The following AGAP1 variants were observed in gnomAD, a reference collection of about 807,000 sequenced individuals.
The protein encoded by AGAP1 is ArfGAP with GTPase domain, ankyrin repeat and PH domain 1.
A neutral mutation model predicts 105.3 loss-of-function variants in AGAP1; 29 were observed. That is an observed-to-expected ratio of 0.28 (90% CI 0.21 to 0.38). The LOEUF (loss-of-function observed/expected upper bound fraction) is 0.38, where lower values mean the gene tolerates loss of function less well. Among genes scored for constraint, AGAP1 ranks in the 10% least tolerant of loss-of-function variants. The pLI is 1.00. For missense variants in AGAP1, 998 were observed against 1,165.1 expected (o/e 0.86, Z 2.09); for synonymous variants, 509 against 485.9 (o/e 1.05, Z -0.63).
intron 1 of AGAP1, among the ~76,000 whole-genome samples, chr2:235,509,469 G>T (rs1286030700): frequency 6.6e-6 from 1 of 152,104 alleles, no homozygotes; most frequent in Non-Finnish European, 1.5e-5. Flanking sequence ...CTGACCTCAA[G>T]TGATCCACCC....
At position 235,960,115 on chromosome 2, in the gene AGAP1, G is replaced by A. The variant is rs1363037723; in HGVS notation, c.1484-8347G>A. 3.9e-5 allele frequency among the ~76,000 whole-genome samples: 6 copies of A among 152,166 alleles called. No individual in the cohort carries two copies. Among genetic ancestry groups the A allele is most frequent in the East Asian group, 1.9e-4 (1 of 5,184 alleles). ...CAACTCCATGCCTCCAAATGGGGGC[G>A]GGGAGGGTGCTTGCGGACCCACCCT... On this transcript the variant is annotated intron_variant, in intron 12 of 17. Transcript: ENST00000304032. The surrounding 1 kb of genome is among the most constrained non-coding windows in gnomAD (Gnocchi z 4.9).
chr2:235,693,632 G>A (rs1016801825), intron 1 of AGAP1, among the ~76,000 whole-genome samples: 1 of 152,162 alleles, frequency 6.6e-6, no homozygotes, highest in East Asian at 1.9e-4. Flanking sequence ...GCGGCGGGAG[G>A]ATCACGAGCT....
chr2:235,852,401 G>A (rs1306991251), intron 9 of AGAP1, among the ~76,000 whole-genome samples: 2 of 151,660 alleles, frequency 1.3e-5, no homozygotes, highest in African/African-American at 2.4e-5. Context: ...GGGGTGGAAA[G>A]GGGGGGGAAC....
Position 235,882,967 on chromosome 2 carries a change from C to T in AGAP1, c.1051-378C>T, listed in dbSNP as rs181375975. The stretch of plus-strand genomic sequence containing the variant: ...AACTGGGATTACAGAAGCACACCAC[C>T]GTGCCCAGCTAATTTTATTTATTTA... On this transcript the variant is annotated intron_variant, in intron 9 of 17. Transcript: ENST00000304032. This position sits in a 1 kb window ranked among gnomAD's most constrained non-coding sequence, Gnocchi z 4.6. Among the ~76,000 whole-genome samples, 256 of 152,200 alleles carry T rather than the reference C, an allele frequency of 1.7e-3. No individual in the cohort carries two copies. Among genetic ancestry groups the T allele is most frequent in the Non-Finnish European group, 2.8e-3 (190 of 68,018 alleles).
intron 3 of AGAP1, among the ~76,000 whole-genome samples, chr2:235,730,047 C>T (rs532651351): frequency 5.3e-5 from 8 of 152,188 alleles, no homozygotes; most frequent in African/African-American, 1.9e-4. Context: ...TAGCAACCAT[C>T]CTTTCTTAGT....
At chr2:235,685,423 TG>T (rs1949326656) in intron 1 of AGAP1, among the ~76,000 whole-genome samples, 1 of 151,594 alleles carries the variant, frequency 6.6e-6, no homozygotes. Flanking sequence ...CACCTTCAGC[TG>T]TTAGTCCCAC....
chr2:235,790,353 C>T (rs987550683), intron 6 of AGAP1, among the ~76,000 whole-genome samples: 1 of 152,084 alleles, frequency 6.6e-6, no homozygotes, highest in Non-Finnish European at 1.5e-5. Context: ...GGTAGAGGGA[C>T]AGTTTTAGAT....
chr2:235,859,509 G>A (rs2048835900), intron 9 of AGAP1, among the ~76,000 whole-genome samples: 1 of 146,564 alleles, frequency 6.8e-6, no homozygotes, highest in Admixed American at 7.1e-5. Flanking sequence ...TAATTGGTAT[G>A]AGGCCTTCTA....
intron 13 of AGAP1, among the ~76,000 whole-genome samples, chr2:236,019,911 C>A (rs143879721): frequency 1.3e-5 from 2 of 152,238 alleles, no homozygotes; most frequent in Non-Finnish European, 1.5e-5. Context: ...GTGTGGGTCC[C>A]CACTGTGAGA....
At chr2:235,636,750 T>G (rs2149298055) in intron 1 of AGAP1, among the ~76,000 whole-genome samples, 1 of 152,208 alleles carries the variant, frequency 6.6e-6, no homozygotes, top group Admixed American at 6.5e-5. Context: ...TGATCGTCTC[T>G]CAGAATGGAA....
At chr2:235,686,657 ATATATATATTTTT>A (rs1949453273) in intron 1 of AGAP1, among the ~76,000 whole-genome samples, 2 of 54,244 alleles carry the variant, frequency 3.7e-5, no homozygotes, top group African/African-American at 2.7e-4. Flanking sequence ...ATATATATAT[ATATATATATTTTT>A]TTTTTTTTTT....
At chr2:235,539,861 C>T (rs533990797) in intron 1 of AGAP1, among the ~76,000 whole-genome samples, 1 of 152,292 alleles carries the variant, frequency 6.6e-6, no homozygotes, top group South Asian at 2.1e-4. Flanking sequence ...GTGAAGATTT[C>T]TCTTGCACTT....
intron 11 of AGAP1, among the ~76,000 whole-genome samples, chr2:235,915,057 C>T (rs950331646): frequency 6.6e-6 from 1 of 152,148 alleles, no homozygotes. Flanking sequence ...CCGGCCAGCT[C>T]ACAGCCCCCC....
At chr2:235,955,070 G>A (rs2053889833) in intron 12 of AGAP1, among the ~76,000 whole-genome samples, 1 of 152,272 alleles carries the variant, frequency 6.6e-6, no homozygotes. Context: ...GGCCGGTTGA[G>A]GGTAGAGGTT....
chr2:236,005,383 C>T lies in AGAP1; in HGVS notation c.1646-31178C>T, dbSNP rs1341503503. Among the ~76,000 whole-genome samples, 3 of 152,120 alleles carry T rather than the reference C, an allele frequency of 2.0e-5. No individual in the cohort carries two copies. The highest frequency in any genetic ancestry group is 7.2e-5 in the African/African-American group (3 of 41,422). On this transcript the variant is annotated intron_variant, in intron 13 of 17. Transcript: ENST00000304032. This position sits in a 1 kb window ranked among gnomAD's most constrained non-coding sequence, Gnocchi z 4.1. Reference sequence around the variant, plus strand: ...CTCAAACTCCTGACCTCAAATGATCCACCCACCTCAGCCTCCCAAAGTGCT... The same window carrying T: ...CTCAAACTCCTGACCTCAAATGATCTACCCACCTCAGCCTCCCAAAGTGCT...
Position 235,882,536 on chromosome 2 carries a change from C to G in AGAP1, c.1051-809C>G. On this transcript the variant is annotated intron_variant, in intron 9 of 17. Transcript: ENST00000304032. This position sits in a 1 kb window ranked among gnomAD's most constrained non-coding sequence, Gnocchi z 4.6. ...TACCATCCGTGGCGGGCTCTTAGCT[C>G]ACTGCAACACTCTGCCTCCTGGGTT... 1 of 1,030,680 alleles carries G rather than the reference C, an allele frequency of 9.7e-7. No homozygotes were observed. The highest frequency in any genetic ancestry group is 1.4e-6 in the Non-Finnish European group (1 of 690,556). 63.8% of individuals were successfully genotyped at this position (1,030,680 alleles called of 1,614,324 possible).
At chr2:235,941,875 A>T (rs1025317946) in intron 12 of AGAP1, among the ~76,000 whole-genome samples, 2 of 152,038 alleles carry the variant, frequency 1.3e-5, no homozygotes, top group Non-Finnish European at 2.9e-5. Context: ...GCGGACACTG[A>T]AGGCGAAGCA....
At position 236,113,645 on chromosome 2, in the gene AGAP1, G is replaced by T. The variant is rs1393076062; in HGVS notation, c.2115-6547G>T. On this transcript the variant is annotated intron_variant, in intron 16 of 17. Coordinates refer to ENST00000304032, the MANE Select transcript of AGAP1 (RefSeq NM_001037131.3). This position sits in a 1 kb window ranked among gnomAD's most constrained non-coding sequence, Gnocchi z 4.3. Reference sequence around the variant, plus strand: ...GGAGTGTCCAAGAGAATTGTCTTTGGGATGGACACAGGGAAGCCACCTTGG... The same window carrying T: ...GGAGTGTCCAAGAGAATTGTCTTTGTGATGGACACAGGGAAGCCACCTTGG... Among the ~76,000 whole-genome samples the T allele has an allele frequency of 6.6e-6, 1 of 152,122 alleles. No homozygotes were observed. The highest frequency in any genetic ancestry group is 1.5e-5 in the Non-Finnish European group (1 of 68,026).
In AGAP1 at chr2:236,073,848, G is replaced by GC. The variant is rs1334210652; in HGVS notation, c.2114+24573dup. On this transcript the variant is annotated intron_variant, in intron 16 of 17. Coordinates refer to ENST00000304032, the MANE Select transcript of AGAP1 (RefSeq NM_001037131.3). The surrounding 1 kb of genome is among the most constrained non-coding windows in gnomAD (Gnocchi z 5.4). ...CTTTAGAATCTGCAGGAGACCTGCAGCCCCCCACCAGACCCCCAGAATCAC... is the reference window on the plus strand; with the variant it reads ...CTTTAGAATCTGCAGGAGACCTGCAGCCCCCCCACCAGACCCCCAGAATCAC... Among the ~76,000 whole-genome samples, 2 of 152,062 alleles carry GC rather than the reference G, an allele frequency of 1.3e-5. No individual in the cohort carries two copies. Among genetic ancestry groups the GC allele is most frequent in the Admixed American group, 6.6e-5 (1 of 15,260 alleles).
Sources: gnomAD v4.1 joint callset for allele counts (sites outside exome capture counted in the v4.1 genomes callset) on GRCh38, gnomAD v4.1.1 for gene constraint, Gnocchi (gnomAD v3.1) non-coding constraint, MANE v1.5 for transcripts, NCBI Gene and HGNC (gene_info 2026-07-23, HGNC 2026-07-21) for gene names.